FGF14: variants seen among roughly 807,000 people sequenced by gnomAD.
FGF14 encodes fibroblast growth factor 14.
In FGF14, 5 loss-of-function variants were observed where a neutral mutation model predicts 25.5. That is an observed-to-expected ratio of 0.20 (90% CI 0.10 to 0.41). FGF14 has a LOEUF of 0.41. Among genes scored for constraint, FGF14 ranks in the 10% least tolerant of loss-of-function variants. The pLI is 1.00. For missense variants in FGF14, 222 were observed against 320.1 expected (o/e 0.69, Z 2.34); for synonymous variants, 138 against 118.3 (o/e 1.17, Z -1.08).
intron 1 of FGF14, among the ~76,000 whole-genome samples, chr13:102,276,638 CGGT>C (rs2141189497): frequency 1.3e-5 from 2 of 152,016 alleles, no homozygotes; most frequent in South Asian, 4.2e-4. Flanking sequence ...GTAAGTGTCA[CGGT>C]ATGCAGTCTT....
chr13:102,291,879 C>T (rs72647467), intron 1 of FGF14, among the ~76,000 whole-genome samples: 7,052 of 152,158 alleles, frequency 0.046, 292 homozygotes, highest in East Asian at 0.16. Context: ...CCCAGGCCGA[C>T]CCTCCTGCTT....
At chr13:102,270,771 T>C (rs1163252263) in intron 1 of FGF14, among the ~76,000 whole-genome samples, 1 of 152,192 alleles carries the variant, frequency 6.6e-6, no homozygotes, top group African/African-American at 2.4e-5. Context: ...TGTCTTAATG[T>C]TTTTCTTATT....
chr13:101,969,159 A>C (rs2037432314), intron 1 of FGF14, among the ~76,000 whole-genome samples: 1 of 152,228 alleles, frequency 6.6e-6, no homozygotes. Flanking sequence ...CTAGGTCTTC[A>C]TAACTACCTG....
chr13:102,079,397 A>C (rs2043511844), intron 1 of FGF14, among the ~76,000 whole-genome samples: 1 of 152,160 alleles, frequency 6.6e-6, no homozygotes, highest in African/African-American at 2.4e-5. Context: ...GTTAAAAAAT[A>C]AGTTATTCAT....
At chr13:102,059,733 C>T (rs2042592849) in intron 1 of FGF14, among the ~76,000 whole-genome samples, 1 of 151,868 alleles carries the variant, frequency 6.6e-6, no homozygotes, top group Non-Finnish European at 1.5e-5. Flanking sequence ...CGCCTGTAGC[C>T]CCAGCTACTC....
intron 1 of FGF14, among the ~76,000 whole-genome samples, chr13:102,309,414 T>G (rs994829246): frequency 1.3e-5 from 2 of 152,174 alleles, no homozygotes; most frequent in South Asian, 4.1e-4. Context: ...GCTATCAGCC[T>G]GCACTAACCA....
intron 1 of FGF14, among the ~76,000 whole-genome samples, chr13:101,899,654 T>C (rs1316818891): frequency 6.6e-6 from 1 of 152,004 alleles, no homozygotes; most frequent in Admixed American, 6.6e-5. Flanking sequence ...TATTATACTA[T>C]AGCAAATAAA....
intron 1 of FGF14, chr13:102,395,763 C>T (rs1217605857): frequency 2.6e-5 from 4 of 152,198 alleles, no homozygotes; most frequent in African/African-American, 9.7e-5. Context: ...TGGTGCCCAG[C>T]AGTTGTTGGG....
intron 1 of FGF14, among the ~76,000 whole-genome samples, chr13:102,313,989 C>T (rs955275675): frequency 2.0e-5 from 3 of 152,138 alleles, no homozygotes; most frequent in Admixed American, 6.5e-5. Flanking sequence ...AGGCTGAGGC[C>T]GGAGAACACA....
intron 1 of FGF14, among the ~76,000 whole-genome samples, chr13:102,338,812 G>C (rs1472795684): frequency 6.6e-6 from 1 of 151,920 alleles, no homozygotes; most frequent in Non-Finnish European, 1.5e-5. Context: ...CTAGGAGCTC[G>C]AGACCAGCCT....
intron 1 of FGF14, among the ~76,000 whole-genome samples, chr13:102,218,647 T>C (rs1176619037): frequency 6.6e-6 from 1 of 151,728 alleles, no homozygotes; most frequent in Non-Finnish European, 1.5e-5. Context: ...TAAGCTAGGG[T>C]GCCATAACTC....
intron 3 of FGF14, among the ~76,000 whole-genome samples, chr13:101,792,687 C>G (rs996141036): frequency 1.3e-5 from 2 of 152,048 alleles, no homozygotes; most frequent in East Asian, 3.8e-4. Context: ...CTCATGCCAT[C>G]ATTTTTGTTG....
At chr13:102,118,433 C>T (rs544287287) in intron 1 of FGF14, among the ~76,000 whole-genome samples, 2 of 152,104 alleles carry the variant, frequency 1.3e-5, no homozygotes, top group African/African-American at 4.8e-5. Flanking sequence ...ATAAAAGCCT[C>T]TATCACCCAA....
chr13:102,053,123 G>C (rs1358672573), intron 1 of FGF14, among the ~76,000 whole-genome samples: 1 of 151,864 alleles, frequency 6.6e-6, no homozygotes, highest in Non-Finnish European at 1.5e-5. Flanking sequence ...TAATCACAAA[G>C]GAAGATAGCA....
intron 1 of FGF14, among the ~76,000 whole-genome samples, chr13:102,251,551 T>G (rs898867311): frequency 6.6e-6 from 1 of 152,152 alleles, no homozygotes; most frequent in Admixed American, 6.6e-5. Flanking sequence ...GTTTGTACAC[T>G]GCATAAAGGA....
chr13:102,325,835 G>T (rs1448463692), intron 1 of FGF14, among the ~76,000 whole-genome samples: 1 of 152,064 alleles, frequency 6.6e-6, no homozygotes, highest in Non-Finnish European at 1.5e-5. Context: ...ATTTGTGTTT[G>T]TTTTCATTCA....
chr13:102,382,506 C>A (rs2058207176), intron 1 of FGF14, among the ~76,000 whole-genome samples: 1 of 151,978 alleles, frequency 6.6e-6, no homozygotes, highest in African/African-American at 2.4e-5. Flanking sequence ...GAAATTAGAA[C>A]CCTCATACAT....
intron 3 of FGF14, among the ~76,000 whole-genome samples, chr13:101,839,609 C>CATT (rs2043103338): frequency 6.6e-6 from 1 of 151,912 alleles, no homozygotes; most frequent in Non-Finnish European, 1.5e-5. Context: ...GCATGCAATG[C>CATT]ATTATAACCA....
At chr13:102,185,551 A>T (rs949335656) in intron 1 of FGF14, among the ~76,000 whole-genome samples, 2 of 152,038 alleles carry the variant, frequency 1.3e-5, no homozygotes, top group African/African-American at 4.8e-5. Flanking sequence ...TTCTATACTC[A>T]CAATAATAAA....
Sources: gnomAD v4.1 joint callset for allele counts (sites outside exome capture counted in the v4.1 genomes callset) on GRCh38, gnomAD v4.1.1 for gene constraint, MANE v1.5 for transcripts, NCBI Gene and HGNC (gene_info 2026-07-23, HGNC 2026-07-21) for gene names.